The following NRAP variants were observed in gnomAD, a reference collection of about 807,000 sequenced individuals.
The protein encoded by NRAP is nebulin-related-anchoring protein.
In NRAP, 189 loss-of-function variants were observed where a neutral mutation model predicts 225.9. That is an observed-to-expected ratio of 0.84 (90% confidence interval 0.74 to 0.94). The LOEUF is 0.94. Ranked by LOEUF, NRAP falls within the 40% of genes least tolerant of loss-of-function variation. The probability of loss-of-function intolerance (pLI) is 0.00; values close to 1 mark genes in which losing one functional copy is unlikely to be tolerated. For synonymous variants in NRAP, 769 were observed against 790.7 expected, an observed-to-expected ratio of 0.97 and a Z score of 0.46; for missense variants, 2,176 against 2,168.7, an observed-to-expected ratio of 1.00 and a Z score of -0.07.
rs145105463 is a variant in NRAP at position 113,605,995 on chromosome 10, G to A, written c.3808-126C>T. 3.6e-4 allele frequency: 291 copies of A among 815,914 alleles called. No homozygotes were observed. The African/African-American group carries it at 4.2e-3, about 12-fold the overall frequency. The allele number at this position is 815,914 out of a possible 1,614,324, so 50.5% of individuals were successfully genotyped here. A position where few individuals can be genotyped will look rare whatever the true frequency, so the allele number is the denominator to read the frequency against. ...CTGTTTTGTGCAGCAAATCTCATTA[G>A]TACACACCCTGGGTACACTCATGGA... On this transcript the variant is annotated intron_variant, in intron 33 of 41. Coordinates refer to ENST00000359988, the MANE Select transcript of NRAP (RefSeq NM_198060.4).
Position 113,621,944 on chromosome 10 carries a change from C to A in NRAP, c.2694G>T (p.Ala898=), listed in dbSNP as rs752259893. 1 of 1,614,210 alleles carries A rather than the reference C, an allele frequency of 6.2e-7. No individual in the cohort carries two copies. The highest frequency in any genetic ancestry group is 1.1e-5 in the South Asian group (1 of 91,084). Reference sequence around the variant, plus strand: ...TGGGCAAAGCCGTAAAGTGATGTTCCGCTGTCTTGTAGCCTACGTCTGTGG... The same window carrying A: ...TGGGCAAAGCCGTAAAGTGATGTTCAGCTGTCTTGTAGCCTACGTCTGTGG... ...HLATDVGYKT[A]EHHFTALPTD... Residue 898 remains alanine, a synonymous_variant, in exon 24 of 42, where the codon GCG becomes GCT. Transcript: ENST00000359988.
intron 39 of NRAP, among the ~76,000 whole-genome samples, chr10:113,591,681 C>T (rs368931881): frequency 2.0e-5 from 3 of 152,214 alleles, no homozygotes; most frequent in Non-Finnish European, 2.9e-5. Flanking sequence ...ACACCATATA[C>T]GATTTTGTTT....
chr10:113,630,998 G>T (rs566440260), intron 18 of NRAP, among the ~76,000 whole-genome samples: 1 of 152,108 alleles, frequency 6.6e-6, no homozygotes, highest in South Asian at 2.1e-4. Context: ...ATTTACCAAG[G>T]TTCCTCTCCA....
In NRAP at chr10:113,647,033, G is replaced by T. The variant is rs199513756; in HGVS notation, c.889-6C>A. ...TCATACTCCTCCGGGTAACCCTGCC[G>T]GGTGCATCAAAAACTTCAGTGAGTA... On this transcript the variant is annotated splice_polypyrimidine_tract_variant and splice_region_variant and intron_variant, in intron 9 of 41. Coordinates refer to ENST00000359988, the MANE Select transcript of NRAP (RefSeq NM_198060.4). The T allele has an allele frequency of 1.0e-5, 16 of 1,605,650 alleles. No homozygotes were observed. The South Asian group carries it at 1.7e-4, about 17-fold the overall frequency.
intron 14 of NRAP, among the ~76,000 whole-genome samples, chr10:113,636,337 G>A (rs1848867021): frequency 6.6e-6 from 1 of 152,208 alleles, no homozygotes; most frequent in African/African-American, 2.4e-5. Context: ...TTTCCTGTCT[G>A]TCTAGACTAC....
intron 16 of NRAP, 35 bp from the exon 17 acceptor site, chr10:113,631,999 T>A: frequency 7.7e-7 from 1 of 1,293,322 alleles, no homozygotes; most frequent in Non-Finnish European, 1.1e-6. Flanking sequence ...TAGGAGTTGC[T>A]ACCCATATTC....
chr10:113,644,783 G>A (rs575740884), intron 11 of NRAP, among the ~76,000 whole-genome samples: 1 of 152,332 alleles, frequency 6.6e-6, no homozygotes, highest in South Asian at 2.1e-4. Flanking sequence ...AGAGGTTAGA[G>A]ACGGAAAATA....
chr10:113,634,078 C>G, intron 15 of NRAP, 34 bp downstream of exon 15: 1 of 1,440,414 alleles, frequency 6.9e-7, no homozygotes, highest in Non-Finnish European at 9.8e-7. Flanking sequence ...ATTTCAAGAC[C>G]CCTACATCCA....
intron 35 of NRAP, among the ~76,000 whole-genome samples, chr10:113,601,677 CT>C (rs977574104): frequency 1.3e-5 from 2 of 152,144 alleles, no homozygotes; most frequent in Non-Finnish European, 2.9e-5. Flanking sequence ...TCTCTGCTTT[CT>C]TTTTTTAGTG....
chr10:113,642,787 C>A (rs1849281368), intron 12 of NRAP, 147 bp downstream of exon 12: 1 of 602,308 alleles, frequency 1.7e-6, no homozygotes, highest in Non-Finnish European at 3.0e-6. Flanking sequence ...CAGCAGGCAA[C>A]CTTAACCAAA....
chr10:113,643,174 A>T (rs1849305800), intron 11 of NRAP, 136 bp from the exon 12 acceptor site: 2 of 488,772 alleles, frequency 4.1e-6, no homozygotes, highest in South Asian at 8.0e-5. Context: ...GAATATGCTA[A>T]GTTAGCAGGA....
intron 4 of NRAP, among the ~76,000 whole-genome samples, chr10:113,657,084 G>A (rs1850352665): frequency 6.6e-6 from 1 of 152,162 alleles, no homozygotes; most frequent in East Asian, 1.9e-4. Context: ...GCTGGAGAGA[G>A]GCCAGCCTAG....
chr10:113,622,067 C>T lies in NRAP; in HGVS notation c.2571G>A (p.Glu857=). Reference sequence around the variant, plus strand: ...CCTCGAATCCCTTCTTGTACTCCAGCTCACTCTGCAGCTTGGACATTTGCA... The same window carrying T: ...CCTCGAATCCCTTCTTGTACTCCAGTTCACTCTGCAGCTTGGACATTTGCA... The part of the protein sequence containing the change: ...HSLQMSKLQS[E]LEYKKGFEDT... Residue 857 remains glutamate, a synonymous_variant, in exon 24 of 42, where the codon GAG becomes GAA. Transcript: ENST00000359988. 1 of 1,614,246 alleles carries T rather than the reference C, an allele frequency of 6.2e-7. No homozygotes were observed. Among genetic ancestry groups the T allele is most frequent in the South Asian group, 1.1e-5 (1 of 91,088 alleles).
chr10:113,618,366 A>C (rs1467694526), intron 25 of NRAP, among the ~76,000 whole-genome samples: 1 of 152,224 alleles, frequency 6.6e-6, no homozygotes, highest in Non-Finnish European at 1.5e-5. Context: ...GGATTTTTGT[A>C]CACTGGGTTG....
At chr10:113,590,461 G>C in intron 40 of NRAP, 117 bp downstream of exon 40, 4 of 955,504 alleles carry the variant, frequency 4.2e-6, no homozygotes, top group Non-Finnish European at 6.2e-6. Context: ...TAGGTGTCTT[G>C]GATTCTCTCT....
At chr10:113,612,014 C>A (rs1847359834) in intron 30 of NRAP, among the ~76,000 whole-genome samples, 1 of 152,158 alleles carries the variant, frequency 6.6e-6, no homozygotes, top group Non-Finnish European at 1.5e-5. Flanking sequence ...TAAAACAATG[C>A]TTAGAGTGCA....
At chr10:113,632,463 G>T (rs980649425) in intron 16 of NRAP, among the ~76,000 whole-genome samples, 1 of 152,110 alleles carries the variant, frequency 6.6e-6, no homozygotes, top group African/African-American at 2.4e-5. Flanking sequence ...GGCCTGTGAG[G>T]CTCAGAGAAA....
chr10:113,634,756 T>G (rs1848766596), intron 14 of NRAP, among the ~76,000 whole-genome samples: 1 of 152,090 alleles, frequency 6.6e-6, no homozygotes, highest in Non-Finnish European at 1.5e-5. Flanking sequence ...AAGCAGTATA[T>G]CCACACATAG....
At chr10:113,591,236 G>A (rs1470403771) in intron 39 of NRAP, among the ~76,000 whole-genome samples, 1 of 152,236 alleles carries the variant, frequency 6.6e-6, no homozygotes, top group Non-Finnish European at 1.5e-5. Context: ...CCAACAGGAA[G>A]ATAAATGTGC....
Sources: gnomAD v4.1 joint callset for allele counts (sites outside exome capture counted in the v4.1 genomes callset) on GRCh38, gnomAD v4.1.1 for gene constraint, MANE v1.5 for transcripts, NCBI Gene and HGNC (gene_info 2026-07-23, HGNC 2026-07-21) for gene names.